Variants in LRP1B observed in about 807,000 individuals in gnomAD.
LRP1B encodes the protein low-density lipoprotein receptor-related protein 1B.
LRP1B carries 217 observed loss-of-function variants against 556.6 expected under a neutral mutation model. That is an observed-to-expected ratio of 0.39 (90% CI 0.35 to 0.44). LRP1B has a LOEUF of 0.44. Among genes scored for constraint, LRP1B ranks in the 20% least tolerant of loss-of-function variants. The pLI is 1.00. For synonymous variants in LRP1B, 2,047 were observed against 1,865.8 expected (o/e 1.10, Z -2.50); for missense variants, 5,053 against 5,620.8 (o/e 0.90, Z 3.23).
intron 31 of LRP1B, among the ~76,000 whole-genome samples, chr2:140,819,809 C>T (rs1311461590): frequency 6.6e-6 from 1 of 152,028 alleles, no homozygotes; most frequent in Admixed American, 6.6e-5. Flanking sequence ...AACAAGGATA[C>T]AGAGAACTGG....
intron 2 of LRP1B, among the ~76,000 whole-genome samples, chr2:141,536,483 A>G (rs1312669026): frequency 3.3e-5 from 5 of 152,062 alleles, no homozygotes; most frequent in African/African-American, 1.2e-4. Flanking sequence ...ATTATTAGGG[A>G]AGCAGAAGTA....
At chr2:141,466,052 C>A (rs546768718) in intron 3 of LRP1B, among the ~76,000 whole-genome samples, 4 of 152,066 alleles carry the variant, frequency 2.6e-5, no homozygotes, top group East Asian at 1.9e-4. Context: ...CTGCACCCAG[C>A]TAATTTTTGT....
chr2:141,916,831 C>G (rs1259635439), intron 1 of LRP1B, among the ~76,000 whole-genome samples: 2 of 152,152 alleles, frequency 1.3e-5, no homozygotes, highest in Non-Finnish European at 2.9e-5. Context: ...TGCTCACTGT[C>G]TGCGTGATGG....
intron 65 of LRP1B, 107 bp from the exon 66 acceptor site, chr2:140,442,730 G>A: frequency 9.2e-7 from 1 of 1,092,244 alleles, no homozygotes; most frequent in Non-Finnish European, 1.3e-6. Flanking sequence ...AAAATGTATT[G>A]TCTTTAAATT....
At chr2:141,901,968 T>C (rs1699631039) in intron 1 of LRP1B, among the ~76,000 whole-genome samples, 1 of 151,546 alleles carries the variant, frequency 6.6e-6, no homozygotes, top group Non-Finnish European at 1.5e-5. Context: ...TCTTTCTTCA[T>C]ACCTAGAATA....
intron 2 of LRP1B, among the ~76,000 whole-genome samples, chr2:141,587,530 A>T (rs747410686): frequency 3.9e-5 from 6 of 152,222 alleles, no homozygotes; most frequent in Admixed American, 1.3e-4. Flanking sequence ...TTTTCTCAAT[A>T]AATATCAATA....
intron 66 of LRP1B, among the ~76,000 whole-genome samples, chr2:140,410,132 T>G (rs1356137784): frequency 6.6e-6 from 1 of 152,084 alleles, no homozygotes; most frequent in Non-Finnish European, 1.5e-5. Context: ...TTGTTATTCC[T>G]GAGCTATATA....
intron 32 of LRP1B, among the ~76,000 whole-genome samples, chr2:140,808,485 T>G (rs1352281702): frequency 6.6e-6 from 1 of 152,216 alleles, no homozygotes; most frequent in African/African-American, 2.4e-5. Context: ...AGTCACTGTC[T>G]TGGCAAACTC....
intron 3 of LRP1B, among the ~76,000 whole-genome samples, chr2:141,321,316 G>C (rs1279046069): frequency 6.6e-6 from 1 of 151,974 alleles, no homozygotes; most frequent in East Asian, 1.9e-4. Flanking sequence ...AAAAAGTAAA[G>C]AAATCAGGCA....
intron 2 of LRP1B, among the ~76,000 whole-genome samples, chr2:141,506,790 GT>G (rs1198801257): frequency 6.6e-6 from 1 of 151,928 alleles, no homozygotes; most frequent in Non-Finnish European, 1.5e-5. Context: ...TATTTCTTGT[GT>G]TTTTTATGTT....
At chr2:141,074,370 T>C (rs1367665431) in intron 7 of LRP1B, among the ~76,000 whole-genome samples, 1 of 152,080 alleles carries the variant, frequency 6.6e-6, no homozygotes, top group Non-Finnish European at 1.5e-5. Context: ...CCTGACATAA[T>C]TTCATGGCAT....
rs371795064 is a variant in LRP1B at position 140,456,359 on chromosome 2, C to G, written c.9963+96G>C. On this transcript the variant is annotated intron_variant, in intron 62 of 90. Coordinates refer to ENST00000389484, the MANE Select transcript of LRP1B (RefSeq NM_018557.3). ...GTTTTCCTTTATTCTGTGACCATCT[C>G]TACAATGTATGGAATGATCATTCAA... The G allele has an allele frequency of 1.5e-4, 182 of 1,217,184 alleles. No individual in the cohort carries two copies. The South Asian group carries it at 3.5e-3, about 23-fold the overall frequency. The allele number at this position is 1,217,184 out of a possible 1,614,324, so 75.4% of individuals were successfully genotyped here.
chr2:141,993,608 TTTTC>T (rs918748200), intron 1 of LRP1B, among the ~76,000 whole-genome samples: 3 of 94,614 alleles, frequency 3.2e-5, no homozygotes, highest in Non-Finnish European at 5.6e-5. Flanking sequence ...TATTATCCTA[TTTTC>T]TTTATTTCCT....
At chr2:141,096,619 GGGGAGAGGGGGAGAGAGAGAGAGA>G (rs1308419488) in intron 7 of LRP1B, among the ~76,000 whole-genome samples, 2 of 33,996 alleles carry the variant, frequency 5.9e-5, no homozygotes, top group South Asian at 1.5e-3. Context: ...TGACAAAGAC[GGGGAGAGGGGGAGAGAGAGAGAGA>G]GAGAGAGAGA....
At chr2:140,741,453 A>G (rs1169765635) in intron 35 of LRP1B, among the ~76,000 whole-genome samples, 3 of 152,150 alleles carry the variant, frequency 2.0e-5, no homozygotes, top group Non-Finnish European at 4.4e-5. Flanking sequence ...CAAGAGACTT[A>G]CATTGCCAAT....
chr2:141,919,039 AATG>A (rs1700111098), intron 1 of LRP1B, among the ~76,000 whole-genome samples: 1 of 152,134 alleles, frequency 6.6e-6, no homozygotes, highest in South Asian at 2.1e-4. Flanking sequence ...TTTCTTACAA[AATG>A]ATGATCAATA....
At chr2:140,322,585 T>C (rs976752978) in intron 81 of LRP1B, among the ~76,000 whole-genome samples, 2 of 114,540 alleles carry the variant, frequency 1.7e-5, no homozygotes, top group Non-Finnish European at 3.6e-5. Context: ...AAGGTATAAA[T>C]GAAAAATACG....
At chr2:141,716,726 G>A (rs1335965610) in intron 2 of LRP1B, among the ~76,000 whole-genome samples, 1 of 152,098 alleles carries the variant, frequency 6.6e-6, no homozygotes, top group African/African-American at 2.4e-5. Context: ...TCTATAGCAT[G>A]CTGTGCTCAG....
intron 35 of LRP1B, among the ~76,000 whole-genome samples, chr2:140,742,408 T>C (rs1275335786): frequency 1.3e-5 from 2 of 152,158 alleles, no homozygotes; most frequent in Admixed American, 6.6e-5. Context: ...ATTTCTAGCA[T>C]TGCATTTAAA....
Sources: allele counts gnomAD v4.1 joint callset (sites outside exome capture counted in the v4.1 genomes callset), GRCh38; gene constraint gnomAD v4.1.1; transcripts MANE v1.5; gene names NCBI Gene and HGNC (gene_info 2026-07-23, HGNC 2026-07-21).